The following BRINP2 variants were observed in gnomAD, a reference collection of about 807,000 sequenced individuals.
BRINP2 encodes BMP/retinoic acid-inducible neural-specific protein 2.
A neutral mutation model predicts 69.2 loss-of-function variants in BRINP2; 21 were observed. The observed-to-expected ratio is 0.30, with a 90% CI of 0.22 to 0.44. The LOEUF is 0.44. BRINP2 is among the 20% of genes least tolerant of loss of function. The pLI is 1.00. For missense variants in BRINP2, 877 were observed against 986.0 expected (o/e 0.89, Z 1.48); for synonymous variants, 380 against 394.1 (o/e 0.96, Z 0.42).
At chr1:177,277,804 C>T (rs531305709) in intron 6 of BRINP2, among the ~76,000 whole-genome samples, 2 of 152,134 alleles carry the variant, frequency 1.3e-5, no homozygotes, top group African/African-American at 4.8e-5. Context: ...AGACCTCTAC[C>T]AGGAGACCTG....
chr1:177,189,299 G>A, intron 1 of BRINP2, among the ~76,000 whole-genome samples: 1 of 152,148 alleles, frequency 6.6e-6, no homozygotes, highest in Non-Finnish European at 1.5e-5. Context: ...CTGCCATTGA[G>A]TCACTTGATA....
intron 2 of BRINP2, among the ~76,000 whole-genome samples, chr1:177,255,134 T>C (rs1011424470): frequency 6.6e-6 from 1 of 152,208 alleles, no homozygotes; most frequent in Non-Finnish European, 1.5e-5. Flanking sequence ...GTACCAAAGA[T>C]GAAAATCCAC....
At chr1:177,190,574 G>A (rs1648557791) in intron 1 of BRINP2, among the ~76,000 whole-genome samples, 2 of 152,202 alleles carry the variant, frequency 1.3e-5, no homozygotes, top group South Asian at 2.1e-4. Context: ...CCTGGTGGGA[G>A]TAAGTAAAGG....
intron 4 of BRINP2, among the ~76,000 whole-genome samples, chr1:177,271,684 G>A (rs1432703191): frequency 6.6e-6 from 1 of 152,170 alleles, no homozygotes; most frequent in Non-Finnish European, 1.5e-5. Context: ...TGCCCCTGGC[G>A]TGGCCTCGGT....
At chr1:177,242,776 A>C (rs1350830481) in intron 2 of BRINP2, among the ~76,000 whole-genome samples, 1 of 152,182 alleles carries the variant, frequency 6.6e-6, no homozygotes, top group Admixed American at 6.5e-5. Flanking sequence ...TGCCACACAT[A>C]AGGGCATAAT....
chr1:177,226,997 C>G (rs572819669), intron 1 of BRINP2, among the ~76,000 whole-genome samples: 1 of 152,308 alleles, frequency 6.6e-6, no homozygotes, highest in South Asian at 2.1e-4. Flanking sequence ...TATTCAGAAA[C>G]CTTTGTCCTC....
intron 1 of BRINP2, among the ~76,000 whole-genome samples, chr1:177,212,510 A>G (rs1227916844): frequency 6.6e-6 from 1 of 151,144 alleles, no homozygotes; most frequent in Non-Finnish European, 1.5e-5. Context: ...GTGCCCCTGC[A>G]CTCCAGCCTG....
At position 177,281,789 on chromosome 1, in the gene BRINP2, G is replaced by T; in HGVS notation, c.*261G>T. The stretch of plus-strand genomic sequence containing the variant: ...CAGCCTCAGATCTGTAAAGTTGATT[G>T]GTGCTTTCTAAAATGAATGCAATTG... On this transcript the variant is annotated 3_prime_UTR_variant, in exon 8 of 8. Transcript: ENST00000361539. The T allele has an allele frequency of 2.9e-6, 1 of 348,060 alleles. No homozygotes were observed. The highest frequency in any genetic ancestry group is 5.1e-6 in the Non-Finnish European group (1 of 194,322). 21.6% of individuals were successfully genotyped at this position (348,060 alleles called of 1,614,324 possible).
At chr1:177,248,951 G>A (rs1452013258) in intron 2 of BRINP2, among the ~76,000 whole-genome samples, 3 of 152,138 alleles carry the variant, frequency 2.0e-5, no homozygotes, top group Non-Finnish European at 4.4e-5. Context: ...ATCTGGCATG[G>A]CTATGGTTCA....
chr1:177,196,846 G>A lies in BRINP2; in HGVS notation c.-77+25114G>A, dbSNP rs1648762175. ...TAAATAGCAGAAGGATTCAAACCCA[G>A]GCAATCTGGCTCAGAGAACTCACTC... On this transcript the variant is annotated intron_variant, in intron 1 of 7. Coordinates refer to ENST00000361539, the MANE Select transcript of BRINP2 (RefSeq NM_021165.4). Among the ~76,000 whole-genome samples the A allele has an allele frequency of 3.3e-5, 5 of 152,220 alleles. No individual in the cohort carries two copies. The South Asian group carries it at 1.0e-3, about 32-fold the overall frequency.
rs1650176037 is a variant in BRINP2, at chr1:177,240,824, C to A, written c.269+10679C>A. Among the ~76,000 whole-genome samples the A allele has an allele frequency of 2.0e-5, 3 of 152,160 alleles. No individual in the cohort carries two copies. In the South Asian group the frequency reaches 6.2e-4, roughly 32 times the overall value. The stretch of plus-strand genomic sequence containing the variant: ...GACAATGTGGGACGGCCAATCAGGG[C>A]TAAGTGATGCCAGAATCTGTGAGTT... On this transcript the variant is annotated intron_variant, in intron 2 of 7. Transcript: ENST00000361539.
intron 2 of BRINP2, among the ~76,000 whole-genome samples, chr1:177,242,737 T>A (rs1394652799): frequency 6.6e-6 from 1 of 152,204 alleles, no homozygotes; most frequent in Admixed American, 6.5e-5. Context: ...GTATTTCACC[T>A]TTATATCTCC....
intron 2 of BRINP2, among the ~76,000 whole-genome samples, chr1:177,237,207 C>A (rs761994994): frequency 6.6e-6 from 1 of 152,170 alleles, no homozygotes; most frequent in Non-Finnish European, 1.5e-5. Flanking sequence ...ACACTTGATC[C>A]TCTCTCAAGT....
chr1:177,226,412 G>T (rs1164064121), intron 1 of BRINP2, among the ~76,000 whole-genome samples: 1 of 152,202 alleles, frequency 6.6e-6, no homozygotes, highest in Non-Finnish European at 1.5e-5. Flanking sequence ...TTCTGCTCAA[G>T]AAATTGCCAC....
chr1:177,215,306 GA>G, intron 1 of BRINP2, among the ~76,000 whole-genome samples: 1 of 152,266 alleles, frequency 6.6e-6, no homozygotes, highest in East Asian at 1.9e-4. Context: ...TTGGGATTCT[GA>G]TAGAAATTTT....
intron 1 of BRINP2, among the ~76,000 whole-genome samples, chr1:177,183,026 A>C (rs1244787501): frequency 1.3e-5 from 2 of 150,626 alleles, no homozygotes; most frequent in Non-Finnish European, 3.0e-5. Flanking sequence ...GGCAGCATGC[A>C]AATGCTGTAT....
chr1:177,176,512 CATTATT>C (rs3041971), intron 1 of BRINP2, among the ~76,000 whole-genome samples: 6,069 of 143,074 alleles, frequency 0.042, 150 homozygotes, highest in African/African-American at 0.057. Context: ...AAGTGGCTGG[CATTATT>C]ATTATTATTA....
chr1:177,182,831 C>T (rs1015596817), intron 1 of BRINP2, among the ~76,000 whole-genome samples: 2 of 152,118 alleles, frequency 1.3e-5, no homozygotes, highest in Non-Finnish European at 2.9e-5. Context: ...TGGTACAACT[C>T]ACAGGGTTAG....
chr1:177,182,525 T>G (rs1648291863), intron 1 of BRINP2, among the ~76,000 whole-genome samples: 1 of 152,162 alleles, frequency 6.6e-6, no homozygotes, highest in Non-Finnish European at 1.5e-5. Flanking sequence ...GGAGGCTTTA[T>G]GCAAAGGCTC....
Sources: gnomAD v4.1 joint callset for allele counts (sites outside exome capture counted in the v4.1 genomes callset) on GRCh38, gnomAD v4.1.1 for gene constraint, MANE v1.5 for transcripts, NCBI Gene and HGNC (gene_info 2026-07-23, HGNC 2026-07-21) for gene names.